Variants in ROBO2 observed in about 807,000 individuals in gnomAD.
The protein encoded by ROBO2 is roundabout guidance receptor 2, also known as roundabout homolog 2.
Under a neutral mutation model 160.8 loss-of-function variants are expected in ROBO2, and 53 were observed. The observed-to-expected ratio is 0.33, with a 90% CI of 0.26 to 0.41. ROBO2 has a LOEUF of 0.41. Ranked by LOEUF, ROBO2 falls within the 10% of genes least tolerant of loss-of-function variation. The pLI is 1.00. For missense variants in ROBO2, 1,577 were observed against 1,722.4 expected, an observed-to-expected ratio of 0.92 and a Z score of 1.49; for synonymous variants, 664 against 611.7, an observed-to-expected ratio of 1.09 and a Z score of -1.26.
At chr3:76,058,810 C>T (rs2067957066) in intron 2 of ROBO2, among the ~76,000 whole-genome samples, 1 of 104,264 alleles carries the variant, frequency 9.6e-6, no homozygotes, top group Non-Finnish European at 1.9e-5. Context: ...TCCCCCCACC[C>T]CACAACAGGC....
chr3:77,276,603 A>C (rs2059843917), intron 2 of ROBO2, among the ~76,000 whole-genome samples: 1 of 152,156 alleles, frequency 6.6e-6, no homozygotes, highest in Non-Finnish European at 1.5e-5. Flanking sequence ...ATTCAAAGGC[A>C]TAGCCAGCCA....
intron 2 of ROBO2, among the ~76,000 whole-genome samples, chr3:76,932,862 T>C (rs765751958): frequency 2.6e-5 from 4 of 152,118 alleles, no homozygotes; most frequent in Non-Finnish European, 5.9e-5. Context: ...CAGGTGTTCA[T>C]AGAAAATGGG....
At chr3:76,569,679 A>G (rs2084841528) in intron 2 of ROBO2, among the ~76,000 whole-genome samples, 1 of 152,178 alleles carries the variant, frequency 6.6e-6, no homozygotes, top group Non-Finnish European at 1.5e-5. Flanking sequence ...ATATCTAGGT[A>G]ACATAGTCAA....
intron 2 of ROBO2, among the ~76,000 whole-genome samples, chr3:76,896,546 A>G (rs1173996639): frequency 1.3e-5 from 2 of 152,176 alleles, no homozygotes; most frequent in African/African-American, 4.8e-5. Context: ...ATAGATGATC[A>G]TGCACCTTCA....
rs529694306 is a variant in ROBO2, at chr3:76,627,537, T to G, written c.110-470477T>G. 5.3e-5 allele frequency among the ~76,000 whole-genome samples: 8 copies of G among 152,346 alleles called. No individual in the cohort carries two copies. The East Asian group carries it at 1.3e-3, about 26-fold the overall frequency. ...ACTGTCATATCCCAGCAGTACAAAT[T>G]TATAAGATGAAACAACTCTCTAATC... is the stretch of plus-strand genomic sequence containing the variant. On this transcript the variant is annotated intron_variant, in intron 2 of 26. Coordinates refer to the ROBO2 transcript ENST00000487694.
At chr3:76,034,465 G>A (rs2067034349) in intron 2 of ROBO2, among the ~76,000 whole-genome samples, 1 of 152,170 alleles carries the variant, frequency 6.6e-6, no homozygotes, top group African/African-American at 2.4e-5. Flanking sequence ...ACTAGGTTAT[G>A]TATCCTTGCA....
At chr3:76,277,269 A>T (rs1398309761) in intron 2 of ROBO2, among the ~76,000 whole-genome samples, 4 of 152,064 alleles carry the variant, frequency 2.6e-5, no homozygotes, top group Admixed American at 1.3e-4. Flanking sequence ...ACCCAGTAGC[A>T]TCATCAGAAT....
At chr3:76,797,093 A>G (rs2063755740) in intron 2 of ROBO2, among the ~76,000 whole-genome samples, 2 of 152,168 alleles carry the variant, frequency 1.3e-5, no homozygotes, top group African/African-American at 4.8e-5. Context: ...TATAAATCAA[A>G]TGGACCTAAC....
chr3:76,584,937 C>T (rs2085940179), intron 2 of ROBO2, among the ~76,000 whole-genome samples: 1 of 152,174 alleles, frequency 6.6e-6, no homozygotes, highest in Non-Finnish European at 1.5e-5. Context: ...CACATTGAAT[C>T]ATATGAATAA....
At chr3:76,320,780 T>C (rs1232514994) in intron 2 of ROBO2, among the ~76,000 whole-genome samples, 1 of 152,024 alleles carries the variant, frequency 6.6e-6, no homozygotes, top group East Asian at 1.9e-4. Context: ...GGATTTAGGG[T>C]TGAGGTTGTT....
intron 2 of ROBO2, among the ~76,000 whole-genome samples, chr3:77,251,634 C>T (rs1288291958): frequency 2.0e-5 from 3 of 152,120 alleles, no homozygotes; most frequent in Non-Finnish European, 4.4e-5. Flanking sequence ...CCGAATCTCA[C>T]CTTGAATTGT....
intron 2 of ROBO2, among the ~76,000 whole-genome samples, chr3:76,374,622 C>T (rs890685598): frequency 5.9e-5 from 9 of 151,904 alleles, no homozygotes; most frequent in Admixed American, 2.0e-4. Flanking sequence ...ATTAGCTTTA[C>T]GCCTTGTAAA....
At chr3:77,240,586 G>A (rs979983266) in intron 2 of ROBO2, among the ~76,000 whole-genome samples, 1 of 152,200 alleles carries the variant, frequency 6.6e-6, no homozygotes, top group African/African-American at 2.4e-5. Flanking sequence ...CGGACACCGT[G>A]GCCGAGGAGG....
intron 2 of ROBO2, among the ~76,000 whole-genome samples, chr3:77,115,644 A>G (rs1295808283): frequency 2.0e-5 from 3 of 152,208 alleles, no homozygotes; most frequent in African/African-American, 7.2e-5. Context: ...GAACTTTTAT[A>G]GTCCCTTTAA....
At chr3:77,127,545 T>C (rs1222064935) in intron 2 of ROBO2, among the ~76,000 whole-genome samples, 1 of 150,996 alleles carries the variant, frequency 6.6e-6, no homozygotes, top group East Asian at 1.9e-4. Context: ...GAAGGCTAAT[T>C]CTATTTTTTT....
At chr3:77,224,857 A>G (rs951664338) in intron 2 of ROBO2, among the ~76,000 whole-genome samples, 1 of 151,848 alleles carries the variant, frequency 6.6e-6, no homozygotes, top group African/African-American at 2.4e-5. Flanking sequence ...TTTTCCCTAG[A>G]TAAGACCGCT....
At chr3:76,589,236 T>C (rs1173804443) in intron 2 of ROBO2, among the ~76,000 whole-genome samples, 1 of 152,220 alleles carries the variant, frequency 6.6e-6, no homozygotes, top group Non-Finnish European at 1.5e-5. Flanking sequence ...ATACAAAGTT[T>C]ATCTGTCAGT....
intron 2 of ROBO2, among the ~76,000 whole-genome samples, chr3:76,036,821 C>T (rs1470294250): frequency 2.6e-5 from 4 of 152,138 alleles, no homozygotes; most frequent in South Asian, 2.1e-4. Flanking sequence ...CACTTTTTCA[C>T]ATGTGTTTTC....
chr3:77,039,952 G>C, exon 1 of ROBO2: 3 of 271,020 alleles, frequency 1.1e-5, no homozygotes, highest in Non-Finnish European at 1.7e-5. Flanking sequence ...CCCGGGCTGG[G>C]CTCTCACGCC....
Sources: gnomAD v4.1 joint callset for allele counts (sites outside exome capture counted in the v4.1 genomes callset) on GRCh38, gnomAD v4.1.1 for gene constraint, MANE v1.5 for transcripts, NCBI Gene and HGNC (gene_info 2026-07-23, HGNC 2026-07-21) for gene names.